The following CYP7B1 variants were observed in gnomAD, a reference collection of about 807,000 sequenced individuals.
CYP7B1 encodes cytochrome P450 7B1.
CYP7B1 carries 29 observed loss-of-function variants against 42.7 expected under a neutral mutation model. The observed-to-expected ratio is 0.68, with a 90% CI of 0.51 to 0.93. The LOEUF (loss-of-function observed/expected upper bound fraction) is 0.93. CYP7B1 is among the 40% of genes least tolerant of loss of function. The pLI is 0.00. For synonymous variants in CYP7B1, 235 were observed against 218.2 expected, an observed-to-expected ratio of 1.08 and a Z score of -0.68; for missense variants, 655 against 600.5, an observed-to-expected ratio of 1.09 and a Z score of -0.95.
chr8:64,794,670 C>A (rs1419086921), intron 1 of CYP7B1, among the ~76,000 whole-genome samples: 4 of 152,196 alleles, frequency 2.6e-5, no homozygotes, highest in African/African-American at 9.7e-5. Context: ...AAAGACCCCA[C>A]TGCTTAATAC....
chr8:64,605,955 C>T (rs1317990646), intron 4 of CYP7B1, among the ~76,000 whole-genome samples: 1 of 152,192 alleles, frequency 6.6e-6, no homozygotes, highest in Non-Finnish European at 1.5e-5. Context: ...TCCGTGAGGG[C>T]TTGCATCAGC....
chr8:64,785,190 A>G (rs1240630741), intron 1 of CYP7B1, among the ~76,000 whole-genome samples: 1 of 152,232 alleles, frequency 6.6e-6, no homozygotes, highest in Non-Finnish European at 1.5e-5. Context: ...GCTAAAATCC[A>G]AAACACTGAC....
chr8:64,640,101 A>T (rs534084058), intron 1 of CYP7B1, among the ~76,000 whole-genome samples: 6 of 152,276 alleles, frequency 3.9e-5, no homozygotes. Flanking sequence ...ATAAAAATAG[A>T]GGCAAAAGGC....
intron 4 of CYP7B1, 69 bp downstream of exon 4, chr8:64,614,957 G>T: frequency 1.4e-6 from 2 of 1,481,210 alleles, no homozygotes; most frequent in Non-Finnish European, 1.9e-6. Context: ...TTGGTAAACA[G>T]CTATGAGTGA....
downstream of CYP7B1, among the ~76,000 whole-genome samples, chr8:64,587,541 C>T (rs751613603): frequency 2.6e-4 from 40 of 152,348 alleles, no homozygotes; most frequent in Non-Finnish European, 4.6e-4. Flanking sequence ...GAAGCATCCG[C>T]GAAAGCGCCC....
intron 1 of CYP7B1, among the ~76,000 whole-genome samples, chr8:64,647,770 C>T (rs768731827): frequency 6.6e-5 from 10 of 152,108 alleles, no homozygotes; most frequent in African/African-American, 1.9e-4. Context: ...GATGCCCTCC[C>T]GCAGTGGGGA....
chr8:64,746,814 C>T (rs1448661913), intron 1 of CYP7B1, among the ~76,000 whole-genome samples: 1 of 151,934 alleles, frequency 6.6e-6, no homozygotes, highest in Non-Finnish European at 1.5e-5. Context: ...TCTAAAGATA[C>T]AAAGGAGATT....
intron 1 of CYP7B1, among the ~76,000 whole-genome samples, chr8:64,705,230 G>T (rs528288794): frequency 1.7e-4 from 16 of 96,864 alleles, no homozygotes; most frequent in East Asian, 5.9e-4. Flanking sequence ...TCAAAAAGGT[G>T]GGGGGGGGAA....
chr8:64,650,713 T>C (rs554323214), intron 1 of CYP7B1, among the ~76,000 whole-genome samples: 2 of 152,370 alleles, frequency 1.3e-5, no homozygotes, highest in South Asian at 4.1e-4. Context: ...AATATAAGCC[T>C]GGCAAAGATT....
At chr8:64,622,488 G>A (rs1805546570) in intron 2 of CYP7B1, among the ~76,000 whole-genome samples, 2 of 152,230 alleles carry the variant, frequency 1.3e-5, no homozygotes, top group Admixed American at 1.3e-4. Flanking sequence ...ACCAGGTAGA[G>A]AGGTCTAGGT....
At chr8:64,785,900 T>G (rs537638953) in intron 1 of CYP7B1, among the ~76,000 whole-genome samples, 67 of 152,168 alleles carry the variant, frequency 4.4e-4, no homozygotes, top group African/African-American at 1.5e-3. Flanking sequence ...AAACTGACTA[T>G]CATGATGGAA....
chr8:64,667,724 T>C (rs1313508301), intron 1 of CYP7B1, among the ~76,000 whole-genome samples: 2 of 152,184 alleles, frequency 1.3e-5, no homozygotes, highest in Non-Finnish European at 2.9e-5. Flanking sequence ...TTGCAAAATA[T>C]CTGTGATGGG....
chr8:64,612,242 C>T (rs906186809), intron 4 of CYP7B1, among the ~76,000 whole-genome samples: 1 of 151,962 alleles, frequency 6.6e-6, no homozygotes, highest in African/African-American at 2.4e-5. Flanking sequence ...CTCAGAGTTT[C>T]TCAAACTTCC....
chr8:64,653,638 G>A (rs34970856), intron 1 of CYP7B1, among the ~76,000 whole-genome samples: 9,997 of 152,104 alleles, frequency 0.066, 398 homozygotes, highest in South Asian at 0.16. Flanking sequence ...ACTCCTCCCC[G>A]TCACATTCTG....
At chr8:64,755,296 C>T (rs1259800822) in intron 1 of CYP7B1, among the ~76,000 whole-genome samples, 1 of 152,214 alleles carries the variant, frequency 6.6e-6, no homozygotes, top group East Asian at 1.9e-4. Context: ...CGTTCTGCTT[C>T]TTCCATTTTA....
At chr8:64,771,454 C>A (rs1804227227) in intron 1 of CYP7B1, among the ~76,000 whole-genome samples, 1 of 152,128 alleles carries the variant, frequency 6.6e-6, no homozygotes, top group Non-Finnish European at 1.5e-5. Context: ...CAGTTAGGTT[C>A]TCACTTCTTT....
At position 64,742,906 on chromosome 8, in the gene CYP7B1, T is replaced by A. The variant is rs145107257; in HGVS notation, c.122+55560A>T. Among the ~76,000 whole-genome samples, 3 of 152,352 alleles carry A rather than the reference T, an allele frequency of 2.0e-5. No homozygotes were observed. In the East Asian group the frequency reaches 5.8e-4, roughly 29 times the overall value. The stretch of plus-strand genomic sequence containing the variant: ...GCATACTTTATCATGTATTTGATTG[T>A]TATAAAAAGTTTTTCATTTCTAAAT... On this transcript the variant is annotated intron_variant, in intron 1 of 5. Transcript: ENST00000310193.
At chr8:64,618,618 C>T (rs1339894671) in intron 2 of CYP7B1, among the ~76,000 whole-genome samples, 1 of 151,876 alleles carries the variant, frequency 6.6e-6, no homozygotes, top group Admixed American at 6.6e-5. Flanking sequence ...CTCTCTCCCT[C>T]TGTCTCTCTA....
chr8:64,619,879 G>GAT (rs750712909), intron 2 of CYP7B1, among the ~76,000 whole-genome samples: 2 of 152,026 alleles, frequency 1.3e-5, no homozygotes, highest in Admixed American at 1.3e-4. Flanking sequence ...CAAAGATATA[G>GAT]ATATATATAC....
Sources: gnomAD v4.1 joint callset for allele counts (sites outside exome capture counted in the v4.1 genomes callset) on GRCh38, gnomAD v4.1.1 for gene constraint, MANE v1.5 for transcripts, NCBI Gene and HGNC (gene_info 2026-07-23, HGNC 2026-07-21) for gene names.